The following NRXN2 variants were observed in gnomAD, a reference collection of about 807,000 sequenced individuals.
NRXN2 encodes neurexin-2-beta.
In NRXN2, 29 loss-of-function variants were observed where a neutral mutation model predicts 128.8. The observed-to-expected ratio is 0.23, with a 90% CI of 0.17 to 0.31. NRXN2 has a LOEUF of 0.31. Ranked by LOEUF, NRXN2 falls within the 10% of genes least tolerant of loss-of-function variation. The pLI, the probability that NRXN2 is intolerant of heterozygous loss-of-function variation, is 1.00. For synonymous variants in NRXN2, 1,098 were observed against 1,075.2 expected (o/e 1.02, Z -0.41); for missense variants, 1,881 against 2,452.6 (o/e 0.77, Z 4.92).
At chr11:64,694,923 G>A (rs931557831) in intron 3 of NRXN2, among the ~76,000 whole-genome samples, 1 of 152,076 alleles carries the variant, frequency 6.6e-6, no homozygotes, top group Non-Finnish European at 1.5e-5. Flanking sequence ...TGCTGCTGGA[G>A]GAAGCCACAT....
intron 17 of NRXN2, among the ~76,000 whole-genome samples, chr11:64,639,722 TGAAGA>T (rs1194960931): frequency 1.3e-5 from 2 of 151,546 alleles, no homozygotes; most frequent in Non-Finnish European, 2.9e-5. Context: ...GGGGATGGTG[TGAAGA>T]GAAGAGAGGA....
rs2049993301 is a variant in NRXN2 at position 64,667,169 on chromosome 11, G to A, written c.1798+81C>T. 12 of 1,416,982 alleles carry A rather than the reference G, an allele frequency of 8.5e-6. No individual in the cohort carries two copies. Among genetic ancestry groups the A allele is most frequent in the East Asian group, 7.0e-5 (3 of 43,086 alleles). The allele number at this position is 1,416,982 out of a possible 1,614,324, so 87.8% of individuals were successfully genotyped here. ...ATAGGAAATGGTGTAGAAGAGACCC[G>A]CTGAAGAGAGACGGAGAGGATGTCA... On this transcript the variant is annotated intron_variant, in intron 9 of 22. Coordinates refer to ENST00000265459, the MANE Select transcript of NRXN2 (RefSeq NM_015080.4). This position sits in a 1 kb window ranked among gnomAD's most constrained non-coding sequence, Gnocchi z 5.6.
In NRXN2 at chr11:64,607,629, T is replaced by C; in HGVS notation, c.4706A>G (p.Asp1569Gly). The C allele has an allele frequency of 6.5e-7, 1 of 1,530,152 alleles. No individual in the cohort carries two copies. The highest frequency in any genetic ancestry group is 8.8e-7 in the Non-Finnish European group (1 of 1,140,120). 94.8% of individuals were successfully genotyped at this position (1,530,152 alleles called of 1,614,324 possible). The change falls in exon 23 of 23, where the codon GAC becomes GGC. Residue 1569 changes from aspartate to glycine, a missense_variant. Asp to Gly is a moderately conservative substitution (Grantham distance 94, BLOSUM62 -1). Around this residue, in one of 7 missense-constraint regions of NRXN2, gnomAD observed 310 missense variants for 318.2 expected, o/e 0.97. Transcript: ENST00000265459. ...GTTCTCCAGCAAGGGCTGAAGCGGG[T>C]CTCGGTGGTTCATTTTGCCCGCCGG... Reference protein sequence around the residue: ...NLPAGKMNHRDPLQPLLENPP... With the variant: ...NLPAGKMNHRGPLQPLLENPP...
intron 19 of NRXN2, among the ~76,000 whole-genome samples, chr11:64,629,731 A>G (rs2043592833): frequency 6.6e-6 from 1 of 152,258 alleles, no homozygotes; most frequent in East Asian, 1.9e-4. Flanking sequence ...CTGATATCTA[A>G]GTAGGTTGTC....
chr11:64,635,614 T>G lies in NRXN2; in HGVS notation c.3404-162A>C, dbSNP rs894146821. 2.6e-5 allele frequency among the ~76,000 whole-genome samples: 4 copies of G among 151,942 alleles called. No homozygotes were observed. Among genetic ancestry groups the G allele is most frequent in the African/African-American group, 9.7e-5 (4 of 41,340 alleles). On this transcript the variant is annotated intron_variant, in intron 17 of 22. Transcript: ENST00000265459. This position sits in a 1 kb window ranked among gnomAD's most constrained non-coding sequence, Gnocchi z 4.8. ...CCAGCCCTGCCACCCCAGGGAGAAG[T>G]TGGCAGGCGGGTGCCTGGGTGAGAG...
intron 6 of NRXN2, among the ~76,000 whole-genome samples, chr11:64,678,342 AC>A (rs1416593952): frequency 6.6e-6 from 1 of 151,576 alleles, no homozygotes; most frequent in Non-Finnish European, 1.5e-5. Flanking sequence ...AATCACCCCA[AC>A]CCCATTCTCT....
At chr11:64,665,154 G>A (rs1350931309) in intron 9 of NRXN2, among the ~76,000 whole-genome samples, 1 of 139,254 alleles carries the variant, frequency 7.2e-6, no homozygotes, top group Non-Finnish European at 1.5e-5. Flanking sequence ...GGTGGCACTC[G>A]CCTGTAGTCC....
At chr11:64,611,590 G>T (rs1368918010) in intron 22 of NRXN2, among the ~76,000 whole-genome samples, 2 of 152,188 alleles carry the variant, frequency 1.3e-5, no homozygotes, top group African/African-American at 2.4e-5. Flanking sequence ...TAGGGCATGG[G>T]GGCTTCAGGC....
intron 6 of NRXN2, among the ~76,000 whole-genome samples, chr11:64,683,847 C>A (rs2052646279): frequency 6.6e-6 from 1 of 152,116 alleles, no homozygotes; most frequent in African/African-American, 2.4e-5. Flanking sequence ...CAGGAAGAAG[C>A]AGCCGAGGGT....
intron 2 of NRXN2, among the ~76,000 whole-genome samples, chr11:64,710,167 C>T (rs1171702471): frequency 6.6e-6 from 1 of 152,072 alleles, no homozygotes; most frequent in Non-Finnish European, 1.5e-5. Flanking sequence ...TTCAGCCTCC[C>T]AAAGTGCTGG....
Position 64,713,025 on chromosome 11 carries a change from G to A in NRXN2, c.675C>T (p.Gly225=), listed in dbSNP as rs1405581583. 3 of 1,477,186 alleles carry A rather than the reference G, an allele frequency of 2.0e-6. No homozygotes were observed. Among genetic ancestry groups the A allele is most frequent in the Non-Finnish European group, 8.9e-7 (1 of 1,117,588 alleles). 91.5% of individuals were successfully genotyped at this position (1,477,186 alleles called of 1,614,324 possible). A position where few individuals can be genotyped will look rare whatever the true frequency, so the allele number is the denominator to read the frequency against. The change falls in exon 2 of 23, where the codon GGC becomes GGT. Residue 225 remains glycine (G), a synonymous_variant. Coordinates refer to ENST00000265459, the MANE Select transcript of NRXN2 (RefSeq NM_015080.4). Reference sequence around the variant, plus strand: ...TGTGGCTGCAGTCGCAGCCCACCTCGCCGGGGGCCAGCACGGTGCAGAGGC... The same window carrying A: ...TGTGGCTGCAGTCGCAGCCCACCTCACCGGGGGCCAGCACGGTGCAGAGGC... ...NGGLCTVLAP[G]EVGCDCSHTG... is the part of the protein sequence containing the mutation.
chr11:64,620,433 G>T, intron 21 of NRXN2, 61 bp from the exon 22 acceptor site: 1 of 1,341,818 alleles, frequency 7.5e-7, no homozygotes, highest in Non-Finnish European at 1.0e-6. Context: ...AGATCCCACA[G>T]CTGCCACTTG....
chr11:64,622,627 G>A lies in NRXN2; in HGVS notation c.4173+126C>T. 2 of 1,366,072 alleles carry A rather than the reference G, an allele frequency of 1.5e-6. No homozygotes were observed. The highest frequency in any genetic ancestry group is 2.0e-6 in the Non-Finnish European group (2 of 1,007,250). The allele number at this position is 1,366,072 out of a possible 1,614,324, so 84.6% of individuals were successfully genotyped here. ...CGCCATGGCAACAAAGTCAGCGACA[G>A]CAGCCTTCAGGATCCCAACAGACCC... On this transcript the variant is annotated intron_variant, in intron 21 of 22. Transcript: ENST00000265459. This position sits in a 1 kb window ranked among gnomAD's most constrained non-coding sequence, Gnocchi z 4.3.
chr11:64,630,900 T>C lies in NRXN2; in HGVS notation c.3586-327A>G, dbSNP rs960405237. On this transcript the variant is annotated intron_variant, in intron 18 of 22. Transcript: ENST00000265459. The surrounding 1 kb of genome is among the most constrained non-coding windows in gnomAD (Gnocchi z 4.6). ...GGCCACTGGGCCCAGACAGGGGTGA[T>C]CGGGCCAAGCTGGGGACCAGCTCGG... Among the ~76,000 whole-genome samples the C allele has an allele frequency of 1.2e-4, 18 of 152,214 alleles. No individual in the cohort carries two copies. The highest frequency in any genetic ancestry group is 4.1e-4 in the African/African-American group (17 of 41,536).
At chr11:64,722,712 C>T (rs1166155172) in intron 1 of NRXN2, among the ~76,000 whole-genome samples, 4 of 150,800 alleles carry the variant, frequency 2.7e-5, no homozygotes, top group African/African-American at 2.4e-5. Flanking sequence ...CCATCCCTTC[C>T]CCCAAAGACC....
intron 20 of NRXN2, among the ~76,000 whole-genome samples, chr11:64,625,550 C>T (rs980834331): frequency 2.0e-5 from 3 of 152,232 alleles, no homozygotes; most frequent in East Asian, 3.9e-4. Flanking sequence ...TTGGGGAAGG[C>T]CCCAGTGGAC....
At chr11:64,656,925 T>C (rs1246669701) in intron 11 of NRXN2, among the ~76,000 whole-genome samples, 1 of 152,066 alleles carries the variant, frequency 6.6e-6, no homozygotes, top group African/African-American at 2.4e-5. Context: ...CCCTCTCTTA[T>C]CTAGCAAATA....
chr11:64,609,780 G>T (rs895566386), intron 22 of NRXN2, among the ~76,000 whole-genome samples: 2 of 152,156 alleles, frequency 1.3e-5, no homozygotes, highest in African/African-American at 4.8e-5. Context: ...TTTCCTCTCT[G>T]GCTCTCTCTT....
At chr11:64,655,759 G>A (rs951326422) in intron 11 of NRXN2, among the ~76,000 whole-genome samples, 1 of 152,290 alleles carries the variant, frequency 6.6e-6, no homozygotes, top group East Asian at 1.9e-4. Flanking sequence ...AAGAGCAAAC[G>A]ACTTGAAGAT....
Sources: allele counts gnomAD v4.1 joint callset (sites outside exome capture counted in the v4.1 genomes callset), GRCh38; gene constraint gnomAD v4.1.1; regional missense constraint gnomAD v4.1.1; non-coding constraint Gnocchi (gnomAD v3.1); transcripts MANE v1.5; gene names NCBI Gene and HGNC (gene_info 2026-07-23, HGNC 2026-07-21).